Variants in PTGER3 observed in about 807,000 individuals in gnomAD.
The protein encoded by PTGER3 is prostaglandin E receptor 3.
PTGER3 carries 22 observed loss-of-function variants against 34.7 expected under a neutral mutation model. The ratio of observed to expected loss-of-function variants is 0.63; its 90% CI spans 0.45 to 0.91. The LOEUF (loss-of-function observed/expected upper bound fraction) is 0.91, where lower values mean the gene tolerates loss of function less well. Ranked by LOEUF, PTGER3 falls within the 40% of genes least tolerant of loss-of-function variation. PTGER3 has a pLI of 0.00. For synonymous variants in PTGER3, 241 were observed against 230.1 expected (o/e 1.05, Z -0.43); for missense variants, 468 against 519.4 (o/e 0.90, Z 0.96).
chr1:70,958,674 T>G (rs1651608210), intron 2 of PTGER3, among the ~76,000 whole-genome samples: 1 of 152,180 alleles, frequency 6.6e-6, no homozygotes, highest in East Asian at 1.9e-4. Context: ...AGAAGCTTTT[T>G]AGTTTTATGT....
downstream of PTGER3, among the ~76,000 whole-genome samples, chr1:70,950,271 CA>C (rs1048079996): frequency 6.6e-6 from 1 of 152,180 alleles, no homozygotes; most frequent in Non-Finnish European, 1.5e-5. Flanking sequence ...ACATCTAGAA[CA>C]ATCAGCTGTC....
Position 70,953,005 on chromosome 1 carries a change from GC to G in PTGER3, c.1158del (p.Gln387LysfsTer8). The G allele has an allele frequency of 6.2e-7, 1 of 1,611,906 alleles. No individual in the cohort carries two copies. On this transcript the variant is annotated frameshift_variant, in exon 4 of 4. Transcript: ENST00000356595. LOFTEE classifies it low-confidence loss of function (END_TRUNC). ...TTCAGCACACGATAGGTTTGTACTT[GC>G]CCACAATGTGCAGTTGCCCTCTGTA...
chr1:70,852,706 A>AT (rs1398846044), exon 5 of PTGER3: 2 of 1,078,130 alleles, frequency 1.9e-6, no homozygotes, highest in Admixed American at 1.9e-5. Flanking sequence ...TAACAGTTAT[A>AT]TTTGGGGGTG....
intron 4 of PTGER3, among the ~76,000 whole-genome samples, chr1:70,925,092 C>T (rs1647924130): frequency 1.3e-5 from 2 of 152,198 alleles, no homozygotes; most frequent in Admixed American, 1.3e-4. Flanking sequence ...GCAACCTCCA[C>T]CTCTTAGATT....
rs541724664 is a variant in PTGER3 at position 70,924,507 on chromosome 1, T to C, written c.*23+29256A>G. On this transcript the variant is annotated intron_variant, in intron 4 of 4. Coordinates refer to the PTGER3 transcript ENST00000370931. Reference sequence around the variant, plus strand: ...CAGAACAACCAAGAGGGATGGGTAATGTAAAAATCTGTATGAGTATTCTAA... The same window carrying C: ...CAGAACAACCAAGAGGGATGGGTAACGTAAAAATCTGTATGAGTATTCTAA... 7.8e-4 allele frequency among the ~76,000 whole-genome samples: 119 copies of C among 152,296 alleles called. No individual in the cohort carries two copies. The South Asian group carries it at 0.013, about 17-fold the overall frequency.
intron 1 of PTGER3, among the ~76,000 whole-genome samples, chr1:71,031,778 G>A (rs1048527567): frequency 1.3e-5 from 2 of 152,138 alleles, no homozygotes; most frequent in Non-Finnish European, 2.9e-5. Flanking sequence ...CTTTGCACTT[G>A]GAGTCACAGT....
At chr1:71,023,354 G>C (rs1048486627) in intron 1 of PTGER3, among the ~76,000 whole-genome samples, 1 of 151,644 alleles carries the variant, frequency 6.6e-6, no homozygotes. Flanking sequence ...TACCTTTCTG[G>C]GTATTCCTCT....
intron 4 of PTGER3, among the ~76,000 whole-genome samples, chr1:70,899,240 T>C (rs1024227249): frequency 6.6e-6 from 1 of 152,186 alleles, no homozygotes; most frequent in Non-Finnish European, 1.5e-5. Context: ...TCCTACTGTT[T>C]ACTGTCTAGT....
chr1:70,869,325 T>C (rs764511724), intron 4 of PTGER3: 8 of 470,198 alleles, frequency 1.7e-5, no homozygotes, highest in Middle Eastern at 3.3e-4. Flanking sequence ...ATCTCCTACA[T>C]TGGGGAATAC....
intron 3 of PTGER3, among the ~76,000 whole-genome samples, chr1:70,973,755 G>T (rs1425510931): frequency 1.3e-5 from 2 of 152,098 alleles, no homozygotes; most frequent in African/African-American, 4.8e-5. Flanking sequence ...GCCATTAATA[G>T]AAATACTAAA....
At chr1:70,967,759 G>A (rs1007287126), downstream of PTGER3, among the ~76,000 whole-genome samples, 1 of 151,902 alleles carries the variant, frequency 6.6e-6, no homozygotes, top group African/African-American at 2.4e-5. Context: ...TTTTCTCTTA[G>A]TTTATCTGAT....
chr1:70,871,787 A>AT (rs1203473970), intron 4 of PTGER3, among the ~76,000 whole-genome samples: 10 of 151,734 alleles, frequency 6.6e-5, no homozygotes, highest in South Asian at 2.1e-4. Flanking sequence ...TGGACTTGCA[A>AT]TTTTTTTTTA....
At chr1:71,018,660 A>C (rs1658131558) in intron 1 of PTGER3, among the ~76,000 whole-genome samples, 1 of 152,122 alleles carries the variant, frequency 6.6e-6, no homozygotes, top group Non-Finnish European at 1.5e-5. Flanking sequence ...AAAGAATTGG[A>C]TTTCTCTAAC....
intron 4 of PTGER3, chr1:70,886,418 C>A (rs1646500832): frequency 6.2e-6 from 2 of 320,496 alleles, no homozygotes; most frequent in Non-Finnish European, 6.6e-6. Flanking sequence ...GGATACAATA[C>A]CAATGGAGAG....
intron 4 of PTGER3, among the ~76,000 whole-genome samples, chr1:70,870,190 T>G (rs1287525148): frequency 6.6e-6 from 1 of 152,162 alleles, no homozygotes; most frequent in Admixed American, 6.5e-5. Flanking sequence ...GCTTGCACCC[T>G]CTGGAGCTGC....
intron 4 of PTGER3, among the ~76,000 whole-genome samples, chr1:70,862,691 A>G (rs1337894738): frequency 6.6e-6 from 1 of 152,130 alleles, no homozygotes; most frequent in Non-Finnish European, 1.5e-5. Flanking sequence ...TTTTGTTTTT[A>G]ATGATCAGAG....
At chr1:70,941,641 A>T (rs996193804) in intron 4 of PTGER3, among the ~76,000 whole-genome samples, 8 of 152,170 alleles carry the variant, frequency 5.3e-5, no homozygotes, top group Non-Finnish European at 1.2e-4. Flanking sequence ...CTCATCATTC[A>T]TCCAAGCCAG....
chr1:70,865,079 G>T (rs1479226078), intron 4 of PTGER3, among the ~76,000 whole-genome samples: 3 of 149,736 alleles, frequency 2.0e-5, no homozygotes. Context: ...GCATTTCAAG[G>T]CAAGAAAATA....
At chr1:70,925,452 A>G (rs7354961) in intron 4 of PTGER3, among the ~76,000 whole-genome samples, 1 of 152,242 alleles carries the variant, frequency 6.6e-6, no homozygotes, top group Non-Finnish European at 1.5e-5. Context: ...ATACAAGTGT[A>G]ACAAGATGAT....
Sources: allele counts gnomAD v4.1 joint callset (sites outside exome capture counted in the v4.1 genomes callset), GRCh38; gene constraint gnomAD v4.1.1; transcripts MANE v1.5; gene names NCBI Gene and HGNC (gene_info 2026-07-23, HGNC 2026-07-21).